CPQ: variants seen among roughly 807,000 people sequenced by gnomAD.
CPQ encodes the protein carboxypeptidase Q, also known as Ser-Met dipeptidase.
Under a neutral mutation model 45.7 loss-of-function variants are expected in CPQ, and 37 were observed. The ratio of observed to expected loss-of-function variants is 0.81; its 90% CI spans 0.62 to 1.07. CPQ has a LOEUF of 1.07. Among genes scored for constraint, CPQ ranks in the 50% least tolerant of loss-of-function variants. The pLI is 0.00. For synonymous variants in CPQ, 186 were observed against 205.8 expected, an observed-to-expected ratio of 0.90 and a Z score of 0.82; for missense variants, 537 against 572.9, an observed-to-expected ratio of 0.94 and a Z score of 0.64.
intron 7 of CPQ, among the ~76,000 whole-genome samples, chr8:97,122,314 G>T: frequency 6.6e-6 from 1 of 151,906 alleles, no homozygotes; most frequent in African/African-American, 2.4e-5. Flanking sequence ...AAAAGAAAAA[G>T]ATGAGAATAA....
chr8:96,724,410 A>G (rs1012224091), intron 1 of CPQ, among the ~76,000 whole-genome samples: 4 of 151,750 alleles, frequency 2.6e-5, no homozygotes, highest in African/African-American at 9.7e-5. Flanking sequence ...TGGGGCCTTT[A>G]GGAGGTGATT....
chr8:96,869,461 ATTG>A (rs1812036878), intron 3 of CPQ, among the ~76,000 whole-genome samples: 1 of 152,094 alleles, frequency 6.6e-6, no homozygotes, highest in Admixed American at 6.6e-5. Flanking sequence ...TGGATGTAAT[ATTG>A]TTCAAAATAA....
At chr8:96,717,636 C>T (rs1165473004) in intron 1 of CPQ, among the ~76,000 whole-genome samples, 1 of 151,720 alleles carries the variant, frequency 6.6e-6, no homozygotes, top group East Asian at 1.9e-4. Context: ...CTTTATGTTA[C>T]CCAGGGGAGG....
At chr8:97,133,715 T>C (rs1023551176) in intron 7 of CPQ, among the ~76,000 whole-genome samples, 7 of 152,174 alleles carry the variant, frequency 4.6e-5, no homozygotes, top group Non-Finnish European at 7.4e-5. Context: ...ATCTGTTCTA[T>C]GGGACAAAAT....
chr8:96,812,757 G>A (rs1811175029), intron 2 of CPQ, among the ~76,000 whole-genome samples: 1 of 152,036 alleles, frequency 6.6e-6, no homozygotes, highest in South Asian at 2.1e-4. Flanking sequence ...CACTAGATCA[G>A]CTAAGAGACA....
At chr8:96,968,920 C>T (rs1340340794) in intron 5 of CPQ, among the ~76,000 whole-genome samples, 2 of 152,188 alleles carry the variant, frequency 1.3e-5, no homozygotes, top group African/African-American at 4.8e-5. Flanking sequence ...TGTGAAGCGT[C>T]GTTGAATACT....
intron 3 of CPQ, among the ~76,000 whole-genome samples, chr8:96,854,569 A>T (rs1811821060): frequency 7.3e-6 from 1 of 136,296 alleles, no homozygotes; most frequent in African/African-American, 2.7e-5. Flanking sequence ...ATGTGGTGGA[A>T]CTAAAAGCCC....
intron 7 of CPQ, among the ~76,000 whole-genome samples, chr8:97,091,145 C>T (rs866798978): frequency 5.9e-5 from 9 of 152,092 alleles, no homozygotes; most frequent in Non-Finnish European, 1.0e-4. Flanking sequence ...CTAGACTGGG[C>T]GCTGTTGGGA....
At chr8:97,077,695 C>G (rs186829330) in intron 7 of CPQ, among the ~76,000 whole-genome samples, 2 of 152,078 alleles carry the variant, frequency 1.3e-5, no homozygotes, top group Non-Finnish European at 2.9e-5. Flanking sequence ...TTTGATATTT[C>G]CAGACTATGT....
chr8:97,093,545 CA>C (rs1243645413), intron 7 of CPQ, among the ~76,000 whole-genome samples: 3 of 151,962 alleles, frequency 2.0e-5, no homozygotes, highest in African/African-American at 7.3e-5. Flanking sequence ...CCCCCTAAAC[CA>C]AAAATAAAAG....
intron 7 of CPQ, among the ~76,000 whole-genome samples, chr8:97,083,151 G>A (rs185528216): frequency 1.3e-5 from 2 of 152,276 alleles, no homozygotes. Flanking sequence ...AGAATTGAAT[G>A]TATTTGATAA....
intron 4 of CPQ, among the ~76,000 whole-genome samples, chr8:96,964,217 C>CACACACAT (rs1554580379): frequency 1.4e-5 from 2 of 139,702 alleles, no homozygotes; most frequent in Non-Finnish European, 3.1e-5. Context: ...CACACACACA[C>CACACACAT]ATCCTGTTGG....
At chr8:96,906,353 G>GTTAC (rs1349070188) in intron 4 of CPQ, among the ~76,000 whole-genome samples, 1 of 152,114 alleles carries the variant, frequency 6.6e-6, no homozygotes, top group African/African-American at 2.4e-5. Flanking sequence ...GGTAATGCTA[G>GTTAC]TTACTTAGAA....
chr8:96,905,143 A>G (rs1416277737), intron 4 of CPQ, among the ~76,000 whole-genome samples: 1 of 152,148 alleles, frequency 6.6e-6, no homozygotes, highest in Non-Finnish European at 1.5e-5. Context: ...AGCAAGGCAC[A>G]TCTTACATGG....
chr8:96,985,456 A>C (rs1057013909), intron 5 of CPQ, among the ~76,000 whole-genome samples: 3 of 152,104 alleles, frequency 2.0e-5, no homozygotes, highest in African/African-American at 7.2e-5. Flanking sequence ...TGATTTTCTC[A>C]GGATTCATCC....
At chr8:97,072,389 T>C (rs1490187309) in intron 7 of CPQ, among the ~76,000 whole-genome samples, 1 of 152,134 alleles carries the variant, frequency 6.6e-6, no homozygotes, top group Non-Finnish European at 1.5e-5. Context: ...AAGTATGGCA[T>C]TCAAGGCCCC....
intron 1 of CPQ, among the ~76,000 whole-genome samples, chr8:96,665,975 G>A (rs1563696095): frequency 6.6e-6 from 1 of 152,122 alleles, no homozygotes; most frequent in African/African-American, 2.4e-5. Flanking sequence ...TATGATATGG[G>A]GGCACACAAT....
chr8:97,054,599 G>A (rs1198264157), intron 6 of CPQ, among the ~76,000 whole-genome samples: 5 of 151,902 alleles, frequency 3.3e-5, no homozygotes, highest in African/African-American at 1.2e-4. Flanking sequence ...CCATAAAAGA[G>A]TGAAATAATA....
chr8:96,862,416 G>T (rs554774136), intron 3 of CPQ, among the ~76,000 whole-genome samples: 1 of 151,390 alleles, frequency 6.6e-6, no homozygotes, highest in South Asian at 2.1e-4. Context: ...AATTATTATG[G>T]CAAGTAGTTA....
Sources: gnomAD v4.1 joint callset for allele counts (sites outside exome capture counted in the v4.1 genomes callset) on GRCh38, gnomAD v4.1.1 for gene constraint, MANE v1.5 for transcripts, NCBI Gene and HGNC (gene_info 2026-07-23, HGNC 2026-07-21) for gene names.